Variants in SEL1L3 observed in about 807,000 individuals in gnomAD.
SEL1L3 encodes the protein protein sel-1 homolog 3.
In SEL1L3, 76 loss-of-function variants were observed where a neutral mutation model predicts 142.8. The ratio of observed to expected loss-of-function variants is 0.53; its 90% CI spans 0.44 to 0.64. The LOEUF (loss-of-function observed/expected upper bound fraction) is 0.64, where lower values mean the gene tolerates loss of function less well. SEL1L3 is among the 30% of genes least tolerant of loss of function. SEL1L3 has a pLI of 0.00. For missense variants in SEL1L3, 1,262 were observed against 1,381.7 expected (o/e 0.91, Z 1.37); for synonymous variants, 504 against 519.6 (o/e 0.97, Z 0.41).
chr4:25,749,614 T>C (rs907322960), intron 23 of SEL1L3, among the ~76,000 whole-genome samples: 1 of 152,184 alleles, frequency 6.6e-6, no homozygotes, highest in Non-Finnish European at 1.5e-5. Flanking sequence ...GTGCTAATTT[T>C]ATTATTGGAC....
At chr4:25,812,953 T>C (rs1264424605) in intron 9 of SEL1L3, among the ~76,000 whole-genome samples, 1 of 151,450 alleles carries the variant, frequency 6.6e-6, no homozygotes, top group Non-Finnish European at 1.5e-5. Flanking sequence ...GCAGAAATTG[T>C]AGTGAGCCGA....
chr4:25,776,059 C>A (rs1054355603), intron 17 of SEL1L3, among the ~76,000 whole-genome samples: 15 of 152,146 alleles, frequency 9.9e-5, no homozygotes, highest in Non-Finnish European at 2.1e-4. Flanking sequence ...TGAGTGTGAA[C>A]AATTCCCCTA....
chr4:25,764,570 A>G (rs1718592250), intron 20 of SEL1L3, among the ~76,000 whole-genome samples: 1 of 152,202 alleles, frequency 6.6e-6, no homozygotes, highest in Non-Finnish European at 1.5e-5. Context: ...TCGCTTAAGC[A>G]AAGCCCAACA....
At chr4:25,750,906 G>A (rs1717550577) in intron 23 of SEL1L3, among the ~76,000 whole-genome samples, 1 of 152,222 alleles carries the variant, frequency 6.6e-6, no homozygotes, top group African/African-American at 2.4e-5. Flanking sequence ...TGAATAGGCT[G>A]ACGTTGGTTT....
chr4:25,782,055 A>G (rs1380445303), intron 15 of SEL1L3, among the ~76,000 whole-genome samples, 187 bp downstream of exon 15: 6 of 152,122 alleles, frequency 3.9e-5, no homozygotes, highest in Non-Finnish European at 5.9e-5. Flanking sequence ...CATTTGCCAC[A>G]CACTTGGCAC....
chr4:25,736,124 C>T, the SEL1L3 span, among the ~76,000 whole-genome samples: 5 of 151,610 alleles, frequency 3.3e-5, no homozygotes, highest in South Asian at 4.2e-4. Context: ...CCACCGTGCC[C>T]GGCCAGTATG....
the SEL1L3 span, among the ~76,000 whole-genome samples, chr4:25,733,932 T>C: frequency 6.6e-6 from 1 of 152,310 alleles, no homozygotes; most frequent in South Asian, 2.1e-4. Context: ...TGCCATTAAG[T>C]ATAATGTAGC....
Position 25,830,146 on chromosome 4 carries a change from G to A in SEL1L3, c.1109C>T (p.Thr370Ile), listed in dbSNP as rs1276982933. The change falls in exon 6 of 24, where the codon ACC (threonine) becomes ATC (isoleucine). Residue 370 changes from threonine (T) to isoleucine (I), a missense_variant. Around this residue, in one of 3 missense-constraint regions of SEL1L3, gnomAD observed 689 missense variants for 692.8 expected, o/e 0.99. Transcript: ENST00000399878. ...TTTCAAATCCTGTCCAATGCTAGTG[G>A]TTACTACTATCTATGATGGGAGGGA... ...ISFNGGQIVV[T>I]TSIGQDLKSY... 1.7e-5 allele frequency: 27 copies of A among 1,605,640 alleles called. No individual in the cohort carries two copies. The East Asian group carries it at 3.6e-4, about 21-fold the overall frequency.
At chr4:25,736,283 G>C in the SEL1L3 span, among the ~76,000 whole-genome samples, 1 of 144,698 alleles carries the variant, frequency 6.9e-6, no homozygotes, top group African/African-American at 2.5e-5. Flanking sequence ...GAGTGCAGTG[G>C]TGCGATCTCA....
chr4:25,781,102 C>T (rs536970470), intron 15 of SEL1L3, among the ~76,000 whole-genome samples: 66 of 152,040 alleles, frequency 4.3e-4, no homozygotes, highest in Non-Finnish European at 8.5e-4. Context: ...GCCTCAGCCT[C>T]CCAAAGTGAT....
chr4:25,747,480 C>A lies in SEL1L3; in HGVS notation c.*945G>T, dbSNP rs984536541. On this transcript the variant is annotated 3_prime_UTR_variant, in exon 24 of 24. Transcript: ENST00000399878. ...ATTTACTACTGTAAATAAAGTAGTG[C>A]AAAGAGTAGTTTGGACCCACAATAT... is the stretch of plus-strand genomic sequence containing the variant. The A allele has an allele frequency of 7.2e-5, 11 of 152,030 alleles. No individual in the cohort carries two copies. Among genetic ancestry groups the A allele is most frequent in the Admixed American group, 3.9e-4 (6 of 15,264 alleles). 9.4% of individuals were successfully genotyped at this position (152,030 alleles called of 1,614,324 possible). A position where few individuals can be genotyped will look rare whatever the true frequency, so the allele number is the denominator to read the frequency against.
At chr4:25,802,055 C>T (rs1351641923) in intron 11 of SEL1L3, among the ~76,000 whole-genome samples, 1 of 152,186 alleles carries the variant, frequency 6.6e-6, no homozygotes, top group Non-Finnish European at 1.5e-5. Flanking sequence ...ACATACCAGT[C>T]CTCTCACAAA....
intron 11 of SEL1L3, among the ~76,000 whole-genome samples, chr4:25,797,761 T>C (rs181433412): frequency 6.6e-6 from 1 of 152,326 alleles, no homozygotes; most frequent in Admixed American, 6.5e-5. Context: ...GCGCCAACTA[T>C]GTGTCAGGCA....
intron 2 of SEL1L3, among the ~76,000 whole-genome samples, chr4:25,843,819 T>C (rs989809787): frequency 6.6e-6 from 1 of 152,222 alleles, no homozygotes; most frequent in Admixed American, 6.5e-5. Flanking sequence ...ATCAGCCTCA[T>C]GGCCTGGCCG....
rs556646256 is a variant in SEL1L3 at position 25,797,687 on chromosome 4, T to A, written c.1956+4596A>T. 5.2e-4 allele frequency among the ~76,000 whole-genome samples: 79 copies of A among 152,308 alleles called. 2 individuals are homozygous for A. Among genetic ancestry groups the A allele is most frequent in the African/African-American group, 1.9e-3 (77 of 41,558 alleles). ...CAGCATCAAGACACTGCAGTTGACTTTCTGTTCATCACTGGGTAACCTCTG... is the reference window on the plus strand; with the variant it reads ...CAGCATCAAGACACTGCAGTTGACTATCTGTTCATCACTGGGTAACCTCTG... On this transcript the variant is annotated intron_variant, in intron 11 of 23. Coordinates refer to ENST00000399878, the MANE Select transcript of SEL1L3 (RefSeq NM_015187.5).
the SEL1L3 span, among the ~76,000 whole-genome samples, chr4:25,726,330 C>G: frequency 6.6e-6 from 1 of 151,828 alleles, no homozygotes; most frequent in Non-Finnish European, 1.5e-5. Context: ...GAGTTCAAGA[C>G]CAGCCTGACC....
chr4:25,729,293 A>G, the SEL1L3 span, among the ~76,000 whole-genome samples: 1 of 152,172 alleles, frequency 6.6e-6, no homozygotes, highest in Non-Finnish European at 1.5e-5. Context: ...ACCTAATTTT[A>G]CTGCATTTTA....
At chr4:25,837,628 G>A (rs1715919224) in intron 2 of SEL1L3, among the ~76,000 whole-genome samples, 1 of 152,046 alleles carries the variant, frequency 6.6e-6, no homozygotes, top group South Asian at 2.1e-4. Flanking sequence ...CTGTAGCTTT[G>A]CGATGTGTAT....
chr4:25,756,831 C>A, intron 23 of SEL1L3: 1 of 1,270,940 alleles, frequency 7.9e-7, no homozygotes, highest in Non-Finnish European at 1.0e-6. Context: ...CATCTGATTG[C>A]TTGACTGAAA....
Sources: gnomAD v4.1 joint callset for allele counts (sites outside exome capture counted in the v4.1 genomes callset) on GRCh38, gnomAD v4.1.1 for gene constraint, gnomAD v4.1.1 regional missense constraint, MANE v1.5 for transcripts, NCBI Gene and HGNC (gene_info 2026-07-23, HGNC 2026-07-21) for gene names.